The following SYNPR variants were observed in gnomAD, a reference collection of about 807,000 sequenced individuals.
SYNPR encodes the protein synaptoporin.
A neutral mutation model predicts 32.9 loss-of-function variants in SYNPR; 23 were observed. That is an observed-to-expected ratio of 0.70 (90% CI 0.50 to 0.99). The LOEUF is 0.99. Among genes scored for constraint, SYNPR ranks in the 50% least tolerant of loss-of-function variants. SYNPR has a pLI of 0.00. For synonymous variants in SYNPR, 146 were observed against 135.9 expected, an observed-to-expected ratio of 1.07 and a Z score of -0.52; for missense variants, 318 against 349.3, an observed-to-expected ratio of 0.91 and a Z score of 0.71.
In SYNPR at chr3:63,459,507, A is replaced by C. The variant is rs140539401; in HGVS notation, c.85-21325A>C. On this transcript the variant is annotated intron_variant, in intron 2 of 5. Transcript: ENST00000478300. ...TATCCCAATATTCATGGGCACTAGC[A>C]TTGGCTCCTGCAGCAAAGTTTGGCC... is the stretch of plus-strand genomic sequence containing the variant. Among the ~76,000 whole-genome samples, 1,519 of 152,274 alleles carry C rather than the reference A, an allele frequency of 1.0e-2. 24 individuals are homozygous for C. Among genetic ancestry groups the C allele is most frequent in the African/African-American group, 0.034 (1,401 of 41,560 alleles).
intron 4 of SYNPR, among the ~76,000 whole-genome samples, chr3:63,572,313 T>C (rs1206303181): frequency 6.6e-6 from 1 of 152,156 alleles, no homozygotes; most frequent in Non-Finnish European, 1.5e-5. Flanking sequence ...CTTCTTATTC[T>C]TATTCTTCTT....
chr3:63,440,946 C>T (rs1234314104), intron 2 of SYNPR, among the ~76,000 whole-genome samples: 4 of 152,126 alleles, frequency 2.6e-5, no homozygotes, highest in South Asian at 2.1e-4. Flanking sequence ...TGGGGACAGC[C>T]GAGAAGTTAC....
intron 2 of SYNPR, among the ~76,000 whole-genome samples, chr3:63,416,552 A>C (rs868837485): frequency 9.0e-4 from 120 of 133,830 alleles, no homozygotes; most frequent in Non-Finnish European, 1.4e-3. Context: ...AAAAAAAAAA[A>C]CCAAAAAAAA....
At chr3:63,238,192 G>C (rs2086213399) in intron 1 of SYNPR, among the ~76,000 whole-genome samples, 1 of 152,020 alleles carries the variant, frequency 6.6e-6, no homozygotes. Context: ...CTATCTCTCA[G>C]CATTCACCTT....
intron 2 of SYNPR, among the ~76,000 whole-genome samples, chr3:63,352,345 G>GTTTC (rs1161117980): frequency 6.6e-6 from 1 of 152,138 alleles, no homozygotes; most frequent in Non-Finnish European, 1.5e-5. Context: ...TTTCAAACCG[G>GTTTC]CAGATTCGGC....
chr3:63,435,400 G>T (rs1700064091), intron 2 of SYNPR, among the ~76,000 whole-genome samples: 1 of 152,194 alleles, frequency 6.6e-6, no homozygotes, highest in Admixed American at 6.5e-5. Flanking sequence ...AATTAGAAAG[G>T]TCCATGGTAG....
chr3:63,503,879 C>T (rs138739627), intron 3 of SYNPR, among the ~76,000 whole-genome samples: 12 of 151,996 alleles, frequency 7.9e-5, no homozygotes, highest in African/African-American at 2.4e-4. Flanking sequence ...ATTTAGATAT[C>T]AATAATATTT....
At chr3:63,545,586 T>C (rs1702385941) in intron 3 of SYNPR, 1 of 152,042 alleles carries the variant, frequency 6.6e-6, no homozygotes, top group Non-Finnish European at 1.5e-5. Flanking sequence ...CATAGTCCTG[T>C]ACATATATTA....
At chr3:63,418,679 C>T (rs1213338388) in intron 2 of SYNPR, among the ~76,000 whole-genome samples, 2 of 152,166 alleles carry the variant, frequency 1.3e-5, no homozygotes, top group Non-Finnish European at 2.9e-5. Flanking sequence ...TGGCAGCAGG[C>T]AGAGAGTTTT....
chr3:63,346,884 G>A (rs1031936989), intron 2 of SYNPR, among the ~76,000 whole-genome samples: 42 of 152,198 alleles, frequency 2.8e-4, no homozygotes, highest in African/African-American at 8.9e-4. Flanking sequence ...GGCACTGGGC[G>A]ATGGAGTAAT....
At chr3:63,416,947 C>A (rs1184700159) in intron 2 of SYNPR, among the ~76,000 whole-genome samples, 2 of 152,294 alleles carry the variant, frequency 1.3e-5, no homozygotes, top group South Asian at 4.1e-4. Context: ...TAATTCCACT[C>A]CTGGCCTCTC....
intron 2 of SYNPR, among the ~76,000 whole-genome samples, chr3:63,370,788 T>C (rs2087802239): frequency 6.6e-6 from 1 of 152,164 alleles, no homozygotes; most frequent in South Asian, 2.1e-4. Context: ...TGCTATCAGG[T>C]TAAACTTTGA....
At chr3:63,422,037 A>G (rs972149887) in intron 2 of SYNPR, among the ~76,000 whole-genome samples, 1 of 152,202 alleles carries the variant, frequency 6.6e-6, no homozygotes, top group African/African-American at 2.4e-5. Context: ...ATATTGCAAG[A>G]ACTCTTCCCC....
chr3:63,585,562 C>T (rs927292657), intron 4 of SYNPR, among the ~76,000 whole-genome samples: 3 of 151,934 alleles, frequency 2.0e-5, no homozygotes, highest in Non-Finnish European at 2.9e-5. Flanking sequence ...GACACATACA[C>T]GTAAGCTTTA....
intron 2 of SYNPR, among the ~76,000 whole-genome samples, chr3:63,399,613 C>A (rs1432384483): frequency 1.3e-5 from 2 of 152,062 alleles, no homozygotes; most frequent in Non-Finnish European, 2.9e-5. Context: ...ATGACAAAAT[C>A]ACCTCCCAAA....
chr3:63,300,069 A>G (rs940454641), intron 2 of SYNPR, among the ~76,000 whole-genome samples: 1 of 152,084 alleles, frequency 6.6e-6, no homozygotes, highest in East Asian at 1.9e-4. Context: ...GTTATTCACT[A>G]TGGTACTCAA....
At position 63,556,557 on chromosome 3, in the gene SYNPR, C is replaced by A; in HGVS notation, c.224C>A (p.Thr75Lys). ...FAYPFRLHQVTFEVPTCEGKE... is the reference protein window; with the variant it reads ...FAYPFRLHQVKFEVPTCEGKE... ...TGGCAATTTAGGTTGCACCAGGTGA[C>A]GTTTGAGGTGCCCACCTGCGAGGGA... The change falls in exon 4 of 6, where the codon ACG (threonine) becomes AAG (lysine). Residue 75 changes from threonine (T) to lysine (K), a missense_variant. Thr to Lys is a moderately conservative substitution (Grantham distance 78). Transcript: ENST00000478300. The A allele has an allele frequency of 6.2e-7, 1 of 1,612,510 alleles. No homozygotes were observed. Among genetic ancestry groups the A allele is most frequent in the Non-Finnish European group, 8.5e-7 (1 of 1,179,266 alleles).
chr3:63,513,900 T>G (rs1435074452), intron 3 of SYNPR, among the ~76,000 whole-genome samples: 1 of 152,106 alleles, frequency 6.6e-6, no homozygotes, highest in African/African-American at 2.4e-5. Context: ...GGAGGGCATC[T>G]TGCTAAAATG....
intron 3 of SYNPR, among the ~76,000 whole-genome samples, chr3:63,501,494 C>CAAAAAAAAAAAAAAAAAAA (rs377290258): frequency 3.1e-5 from 3 of 96,734 alleles, no homozygotes; most frequent in Admixed American, 1.1e-4. Flanking sequence ...CTCCCCCAAC[C>CAAAAAAAAAAAAAAAAAAA]AAAAAAAAAA....
Sources: allele counts gnomAD v4.1 joint callset (sites outside exome capture counted in the v4.1 genomes callset), GRCh38; gene constraint gnomAD v4.1.1; transcripts MANE v1.5; gene names NCBI Gene and HGNC (gene_info 2026-07-23, HGNC 2026-07-21).